HSD17B4: variants seen among roughly 807,000 people sequenced by gnomAD.
The protein encoded by HSD17B4 is hydroxysteroid 17-beta dehydrogenase 4, also known as peroxisomal multifunctional enzyme type 2.
A neutral mutation model predicts 101.0 loss-of-function variants in HSD17B4; 70 were observed. The observed-to-expected ratio is 0.69, with a 90% CI of 0.57 to 0.85. HSD17B4 has a LOEUF of 0.85. Ranked by LOEUF, HSD17B4 falls within the 40% of genes least tolerant of loss-of-function variation. The pLI is 0.00. For synonymous variants in HSD17B4, 347 were observed against 297.1 expected (o/e 1.17, Z -1.73); for missense variants, 984 against 892.4 (o/e 1.10, Z -1.31).
intron 2 of HSD17B4, among the ~76,000 whole-genome samples, chr5:119,470,615 A>G (rs1272176650): frequency 6.6e-6 from 1 of 152,196 alleles, no homozygotes; most frequent in Non-Finnish European, 1.5e-5. Flanking sequence ...CTCTAAGCTG[A>G]TTCCATCTGG....
At chr5:119,457,603 A>AT (rs1294969642) in intron 2 of HSD17B4, among the ~76,000 whole-genome samples, 5 of 152,268 alleles carry the variant, frequency 3.3e-5, no homozygotes, top group African/African-American at 1.2e-4. Flanking sequence ...ACTTTGTCAG[A>AT]TTTTCCCAAG....
At position 119,500,313 on chromosome 5, in the gene HSD17B4, G is replaced by T. The variant is rs543712733; in HGVS notation, c.1209+760G>T. On this transcript the variant is annotated intron_variant, in intron 13 of 23. Transcript: ENST00000510025. ...ATTGGGATATGTATATATATATAGA[G>T]AGAGAGATGGGTGCATATATATACA... Among the ~76,000 whole-genome samples the T allele has an allele frequency of 1.7e-3, 265 of 152,054 alleles. 1 individual carries two copies. The highest frequency in any genetic ancestry group is 2.3e-3 in the Non-Finnish European group (159 of 67,978).
chr5:119,535,500 AT>A lies in HSD17B4; in HGVS notation c.1994-922del, dbSNP rs1754456350. ...TTGAAGGCTGGAGACCAATTATTTT[AT>A]AGCTTGTTTCTTGGTTTGTTTTTAG... On this transcript the variant is annotated intron_variant, in intron 22 of 23. Coordinates refer to ENST00000510025, the MANE Select transcript of HSD17B4 (RefSeq NM_000414.4). Among the ~76,000 whole-genome samples, 3 of 151,848 alleles carry A rather than the reference AT, an allele frequency of 2.0e-5. No homozygotes were observed. The South Asian group carries it at 6.2e-4, about 31-fold the overall frequency.
intron 23 of HSD17B4, among the ~76,000 whole-genome samples, chr5:119,537,690 T>G (rs527734905): frequency 9.2e-5 from 14 of 152,298 alleles, no homozygotes; most frequent in Admixed American, 2.0e-4. Flanking sequence ...TTTTAGGCTT[T>G]GTGGGCAAGA....
At chr5:119,462,155 C>G (rs1755305653) in intron 2 of HSD17B4, among the ~76,000 whole-genome samples, 1 of 149,888 alleles carries the variant, frequency 6.7e-6, no homozygotes, top group Non-Finnish European at 1.5e-5. Flanking sequence ...CCTTGACTAT[C>G]ATAGTCTTAC....
At chr5:119,500,182 G>T (rs1751028661) in intron 13 of HSD17B4, among the ~76,000 whole-genome samples, 1 of 152,060 alleles carries the variant, frequency 6.6e-6, no homozygotes. Context: ...AGTCAAGCAT[G>T]AAAGCAGAGA....
chr5:119,494,089 A>G (rs1750371999), intron 11 of HSD17B4, 143 bp downstream of exon 11: 3 of 766,964 alleles, frequency 3.9e-6, no homozygotes, highest in African/African-American at 1.7e-5. Flanking sequence ...TCTAGTAGGT[A>G]TTAGAATTCT....
At chr5:119,495,975 G>A (rs1750612426) in intron 11 of HSD17B4, among the ~76,000 whole-genome samples, 1 of 152,170 alleles carries the variant, frequency 6.6e-6, no homozygotes, top group Non-Finnish European at 1.5e-5. Context: ...TGCCCCATGA[G>A]CCTCCTTTAT....
In HSD17B4 at chr5:119,502,475, GAT is replaced by G. The variant is rs1751261643; in HGVS notation, c.1261+385_1261+386del. On this transcript the variant is annotated intron_variant, in intron 14 of 23. Coordinates refer to ENST00000510025, the MANE Select transcript of HSD17B4 (RefSeq NM_000414.4). ...TTTCATAAAGCAAACAATGTTAAAA[GAT>G]ACAGAATTTCTTGTAATTCATTTTT... Among the ~76,000 whole-genome samples, 3 of 151,762 alleles carry G rather than the reference GAT, an allele frequency of 2.0e-5. No homozygotes were observed. In the East Asian group the frequency reaches 5.8e-4, roughly 29 times the overall value.
intron 20 of HSD17B4, among the ~76,000 whole-genome samples, chr5:119,528,164 A>G (rs912648225): frequency 1.3e-5 from 2 of 152,144 alleles, no homozygotes; most frequent in Non-Finnish European, 2.9e-5. Context: ...TAGGTTCCTA[A>G]GAAAATCTAA....
At position 119,509,202 on chromosome 5, in the gene HSD17B4, C is replaced by T. The variant is rs1203274806; in HGVS notation, c.1395C>T (p.Gly465=). 1 of 1,610,932 alleles carries T rather than the reference C, an allele frequency of 6.2e-7. No homozygotes were observed. Among genetic ancestry groups the T allele is most frequent in the Non-Finnish European group, 8.5e-7 (1 of 1,177,156 alleles). The change falls in exon 16 of 24, where the codon GGC becomes GGT. Residue 465 remains glycine (G), a synonymous_variant. Transcript: ENST00000510025. The part of the protein sequence containing the change: ...CHNQFSLFLV[G]SGGFGGKRTS... ...ATCAGTTCTCTCTCTTTCTTGTTGG[C>T]TCTGGAGGCTTTGGTGGAAAACGGA...
chr5:119,453,244 G>A (rs868400301), intron 1 of HSD17B4, among the ~76,000 whole-genome samples: 9 of 152,328 alleles, frequency 5.9e-5, no homozygotes, highest in South Asian at 2.1e-4. Context: ...GAGGTTGTAA[G>A]CTCAAATGCG....
chr5:119,486,136 G>C (rs976956399), intron 8 of HSD17B4, among the ~76,000 whole-genome samples: 1 of 152,136 alleles, frequency 6.6e-6, no homozygotes, highest in African/African-American at 2.4e-5. Context: ...TGACATGGCA[G>C]CTGGCTTTCC....
chr5:119,471,936 C>G (rs568123278), intron 2 of HSD17B4, among the ~76,000 whole-genome samples: 1 of 152,248 alleles, frequency 6.6e-6, no homozygotes, highest in African/African-American at 2.4e-5. Flanking sequence ...TGAGGGCAAA[C>G]ACCATTCTTA....
intron 1 of HSD17B4, among the ~76,000 whole-genome samples, chr5:119,453,614 A>G (rs1369117598): frequency 1.3e-5 from 2 of 152,228 alleles, no homozygotes; most frequent in East Asian, 1.9e-4. Flanking sequence ...TGAGTTATAT[A>G]TTAAACGTTA....
chr5:119,473,851 C>G (rs919404274), intron 2 of HSD17B4, 57 bp from the exon 3 acceptor site: 1 of 1,014,046 alleles, frequency 9.9e-7, no homozygotes, highest in Non-Finnish European at 1.6e-6. Flanking sequence ...CACACACACA[C>G]ACACATTTTG....
chr5:119,492,392 C>T (rs758213074), intron 10 of HSD17B4: 17 of 481,778 alleles, frequency 3.5e-5, no homozygotes, highest in South Asian at 1.0e-4. Flanking sequence ...CTGGCTATTC[C>T]TTCAGACAGC....
chr5:119,528,425 C>T (rs1753786551), intron 20 of HSD17B4, among the ~76,000 whole-genome samples: 1 of 152,068 alleles, frequency 6.6e-6, no homozygotes, highest in Non-Finnish European at 1.5e-5. Flanking sequence ...TTTTCAAATT[C>T]CTCCTGTCCT....
chr5:119,509,142 C>T lies in HSD17B4; in HGVS notation c.1335C>T (p.Val445=). ...KGSGVVIIMD[V]YSYSEKELIC... ...TTTTTTCTTTTATTTACTTTTCAGT[C>T]TATTCTTATTCTGAGAAGGAACTTA... is the stretch of plus-strand genomic sequence containing the variant. Residue 445 remains valine (V), a splice_region_variant and synonymous_variant, in exon 16 of 24, where the codon GTC becomes GTT. Coordinates refer to ENST00000510025, the MANE Select transcript of HSD17B4 (RefSeq NM_000414.4). 6.7e-7 allele frequency: 1 copy of T among 1,497,316 alleles called. No homozygotes were observed. The highest frequency in any genetic ancestry group is 9.3e-7 in the Non-Finnish European group (1 of 1,073,962). 92.8% of individuals were successfully genotyped at this position (1,497,316 alleles called of 1,614,324 possible). A position where few individuals can be genotyped will look rare whatever the true frequency, so the allele number is the denominator to read the frequency against.
Sources: gnomAD v4.1 joint callset for allele counts (sites outside exome capture counted in the v4.1 genomes callset) on GRCh38, gnomAD v4.1.1 for gene constraint, MANE v1.5 for transcripts, NCBI Gene and HGNC (gene_info 2026-07-23, HGNC 2026-07-21) for gene names.